Variants in SLC39A11 observed in about 807,000 individuals in gnomAD.
SLC39A11 encodes solute carrier family 39 member 11.
Under a neutral mutation model 36.1 loss-of-function variants are expected in SLC39A11, and 33 were observed. The observed-to-expected ratio is 0.91, with a 90% CI of 0.69 to 1.22. The LOEUF is 1.22. SLC39A11 is among the 50% of genes most tolerant of loss of function. The pLI, the probability that SLC39A11 is intolerant of heterozygous loss-of-function variation, is 0.00. For missense variants in SLC39A11, 432 were observed against 430.3 expected, an observed-to-expected ratio of 1.00 and a Z score of -0.03; for synonymous variants, 166 against 170.3, an observed-to-expected ratio of 0.97 and a Z score of 0.20.
At chr17:72,728,538 A>G (rs2074027234) in intron 7 of SLC39A11, among the ~76,000 whole-genome samples, 1 of 152,198 alleles carries the variant, frequency 6.6e-6, no homozygotes, top group African/African-American at 2.4e-5. Context: ...CCAGCTTTTC[A>G]GCCTTAAGAT....
At chr17:72,678,378 G>A (rs1470013509) in intron 7 of SLC39A11, among the ~76,000 whole-genome samples, 4 of 152,142 alleles carry the variant, frequency 2.6e-5, no homozygotes, top group Non-Finnish European at 5.9e-5. Flanking sequence ...AGATGGAAAT[G>A]TGGAGGCTGG....
At chr17:73,029,864 G>C (rs1469574538) in intron 4 of SLC39A11, among the ~76,000 whole-genome samples, 1 of 152,172 alleles carries the variant, frequency 6.6e-6, no homozygotes, top group East Asian at 1.9e-4. Flanking sequence ...TTACAGGCAT[G>C]AACCACTGTG....
chr17:72,819,320 C>T (rs1265244448), intron 6 of SLC39A11, among the ~76,000 whole-genome samples: 1 of 151,208 alleles, frequency 6.6e-6, no homozygotes, highest in Non-Finnish European at 1.5e-5. Context: ...AGGAGACAGC[C>T]CTGGAACAGA....
intron 2 of SLC39A11, among the ~76,000 whole-genome samples, chr17:73,088,333 T>C (rs2060807389): frequency 1.3e-5 from 2 of 151,178 alleles, no homozygotes; most frequent in Admixed American, 6.6e-5. Context: ...AGAAATTACA[T>C]GGCAGGTAGA....
chr17:72,782,222 A>G (rs946101220), intron 6 of SLC39A11, among the ~76,000 whole-genome samples: 7 of 152,164 alleles, frequency 4.6e-5, no homozygotes, highest in Non-Finnish European at 1.0e-4. Flanking sequence ...TGATGCAGCT[A>G]TGAGCCAAGA....
intron 6 of SLC39A11, among the ~76,000 whole-genome samples, chr17:72,770,675 G>C (rs2075901976): frequency 6.6e-6 from 1 of 152,176 alleles, no homozygotes; most frequent in East Asian, 1.9e-4. Context: ...GCTTCTCAGA[G>C]GACCTGGGCT....
chr17:72,972,175 T>C (rs955807917), intron 4 of SLC39A11, among the ~76,000 whole-genome samples: 2 of 152,182 alleles, frequency 1.3e-5, no homozygotes, highest in South Asian at 2.1e-4. Context: ...TCCCACAGAA[T>C]AGAAAAGGAC....
intron 6 of SLC39A11, among the ~76,000 whole-genome samples, chr17:72,749,890 T>C (rs1283381755): frequency 1.3e-5 from 2 of 151,998 alleles, no homozygotes; most frequent in South Asian, 4.1e-4. Flanking sequence ...CGTAAAACAC[T>C]AGATGGAAGT....
chr17:73,031,479 G>A, intron 4 of SLC39A11, 77 bp downstream of exon 4: 1 of 1,509,646 alleles, frequency 6.6e-7, no homozygotes, highest in Non-Finnish European at 9.1e-7. Context: ...AGGTATGTCA[G>A]GTTTGATCAG....
chr17:72,849,582 A>G, intron 6 of SLC39A11, 52 bp downstream of exon 6: 1 of 1,442,640 alleles, frequency 6.9e-7, no homozygotes, highest in Non-Finnish European at 9.2e-7. Context: ...CTGTGCTGAC[A>G]AATGACTTTA....
chr17:72,655,784 G>A (rs1355280111), intron 7 of SLC39A11, among the ~76,000 whole-genome samples: 2 of 152,214 alleles, frequency 1.3e-5, no homozygotes, highest in Non-Finnish European at 2.9e-5. Flanking sequence ...GGTATTCGGG[G>A]ATATGGATGC....
At chr17:72,714,037 C>T (rs961730861) in intron 7 of SLC39A11, among the ~76,000 whole-genome samples, 2 of 152,146 alleles carry the variant, frequency 1.3e-5, no homozygotes, top group African/African-American at 2.4e-5. Flanking sequence ...TTAGGTTTGC[C>T]GCAAAATTGT....
At chr17:72,712,548 A>C (rs1052042162) in intron 7 of SLC39A11, among the ~76,000 whole-genome samples, 12 of 152,178 alleles carry the variant, frequency 7.9e-5, no homozygotes, top group African/African-American at 2.7e-4. Context: ...ATCCACCTAA[A>C]ATTTTGGATG....
intron 6 of SLC39A11, among the ~76,000 whole-genome samples, chr17:72,812,559 C>T (rs993834504): frequency 2.6e-5 from 4 of 152,120 alleles, no homozygotes; most frequent in East Asian, 1.9e-4. Flanking sequence ...GGAATAGCAA[C>T]GGGGCCTCAT....
Position 72,948,264 on chromosome 17 carries a change from A to G in SLC39A11, c.307-389T>C, listed in dbSNP as rs1465702972. 4.0e-5 allele frequency among the ~76,000 whole-genome samples: 6 copies of G among 151,006 alleles called. No individual in the cohort carries two copies. In the South Asian group the frequency reaches 6.3e-4, roughly 16 times the overall value. On this transcript the variant is annotated intron_variant, in intron 4 of 9. Transcript: ENST00000255559. ...CACACAAAACCCCACTGCAAGCGTC[A>G]TCGCCGCACACATACCAAACCCCAC... is the stretch of plus-strand genomic sequence containing the variant.
At chr17:72,729,299 C>T (rs1176995149) in intron 7 of SLC39A11, among the ~76,000 whole-genome samples, 9 of 146,096 alleles carry the variant, frequency 6.2e-5, no homozygotes, top group African/African-American at 2.0e-4. Flanking sequence ...TGCAGTGGCA[C>T]GATCACGGCT....
At chr17:72,805,736 TTTTC>T (rs747799226) in intron 6 of SLC39A11, among the ~76,000 whole-genome samples, 48 of 150,794 alleles carry the variant, frequency 3.2e-4, no homozygotes, top group Non-Finnish European at 6.3e-4. Context: ...GTTAATTTTT[TTTTC>T]TTTTTCTTTT....
intron 2 of SLC39A11, among the ~76,000 whole-genome samples, chr17:73,086,488 A>G (rs539810319): frequency 1.3e-5 from 2 of 152,348 alleles, no homozygotes; most frequent in South Asian, 4.1e-4. Flanking sequence ...CTTTGAAGTG[A>G]AAGAAGCCAT....
At position 72,971,741 on chromosome 17, in the gene SLC39A11, C is replaced by A. The variant is rs898453246; in HGVS notation, c.307-23866G>T. 5.9e-5 allele frequency among the ~76,000 whole-genome samples: 9 copies of A among 152,114 alleles called. No individual in the cohort carries two copies. In the East Asian group the frequency reaches 1.7e-3, roughly 29 times the overall value. ...TAGCATATGCAACCGGGATGCCACCCCCACAGTCTACCTACACAAGTGGGC... is the reference window on the plus strand; with the variant it reads ...TAGCATATGCAACCGGGATGCCACCACCACAGTCTACCTACACAAGTGGGC... On this transcript the variant is annotated intron_variant, in intron 4 of 9. Coordinates refer to ENST00000255559, the MANE Select transcript of SLC39A11 (RefSeq NM_139177.4).
Sources: allele counts gnomAD v4.1 joint callset (sites outside exome capture counted in the v4.1 genomes callset), GRCh38; gene constraint gnomAD v4.1.1; transcripts MANE v1.5; gene names NCBI Gene and HGNC (gene_info 2026-07-23, HGNC 2026-07-21).